The following MTHFD1L variants were observed in gnomAD, a reference collection of about 807,000 sequenced individuals.
MTHFD1L encodes methylenetetrahydrofolate dehydrogenase (NADP+ dependent) 1 like.
Under a neutral mutation model 119.5 loss-of-function variants are expected in MTHFD1L, and 81 were observed. The ratio of observed to expected loss-of-function variants is 0.68; its 90% confidence interval spans 0.57 to 0.82. The LOEUF (loss-of-function observed/expected upper bound fraction) is 0.82, where lower values mean the gene tolerates loss of function less well. Among genes scored for constraint, MTHFD1L ranks in the 40% least tolerant of loss-of-function variants. MTHFD1L has a pLI of 0.00. For synonymous variants in MTHFD1L, 430 were observed against 475.2 expected (o/e 0.90, Z 1.24); for missense variants, 1,125 against 1,253.4 (o/e 0.90, Z 1.55).
chr6:151,011,538 G>A (rs6557108), intron 21 of MTHFD1L, among the ~76,000 whole-genome samples: 36,236 of 152,106 alleles, frequency 0.24, 4,680 homozygotes, highest in Middle Eastern at 0.32. Context: ...CTTGACATCA[G>A]TCCCATAGTT....
intron 20 of MTHFD1L, among the ~76,000 whole-genome samples, chr6:150,988,766 C>A (rs1778662294): frequency 6.6e-6 from 1 of 152,194 alleles, no homozygotes; most frequent in African/African-American, 2.4e-5. Context: ...GCCACCACAC[C>A]CGGCTAATTT....
intron 17 of MTHFD1L, among the ~76,000 whole-genome samples, chr6:150,959,639 G>T (rs1435907653): frequency 6.6e-6 from 1 of 152,184 alleles, no homozygotes; most frequent in Non-Finnish European, 1.5e-5. Flanking sequence ...TGACTGGGTT[G>T]CCCTCCCTGC....
intron 26 of MTHFD1L, among the ~76,000 whole-genome samples, chr6:151,077,291 AG>A: frequency 6.6e-6 from 1 of 152,338 alleles, no homozygotes; most frequent in South Asian, 2.1e-4. Flanking sequence ...AAGCTTTCAG[AG>A]GGGGAAAAAA....
At chr6:150,893,210 G>A (rs908149909) in intron 7 of MTHFD1L, among the ~76,000 whole-genome samples, 13 of 152,008 alleles carry the variant, frequency 8.6e-5, no homozygotes, top group African/African-American at 1.7e-4. Flanking sequence ...GATTACAGGC[G>A]AGCACCACCA....
At chr6:150,993,273 A>G (rs1779300425) in intron 20 of MTHFD1L, among the ~76,000 whole-genome samples, 1 of 152,220 alleles carries the variant, frequency 6.6e-6, no homozygotes, top group South Asian at 2.1e-4. Context: ...TGGCACATAC[A>G]CAAACAAATG....
chr6:150,932,669 G>A (rs762139700), intron 11 of MTHFD1L, among the ~76,000 whole-genome samples: 3 of 152,002 alleles, frequency 2.0e-5, no homozygotes, highest in Non-Finnish European at 4.4e-5. Context: ...TCAGGAGGCC[G>A]AGGCAGGAGA....
At chr6:151,029,825 C>T (rs1312496504) in intron 24 of MTHFD1L, among the ~76,000 whole-genome samples, 1 of 152,162 alleles carries the variant, frequency 6.6e-6, no homozygotes, top group Non-Finnish European at 1.5e-5. Flanking sequence ...ACAACTCAGC[C>T]ATCCACTCGC....
At chr6:151,101,064 C>T (rs916053430) in intron 27 of MTHFD1L, among the ~76,000 whole-genome samples, 10 of 152,068 alleles carry the variant, frequency 6.6e-5, no homozygotes, top group Admixed American at 5.9e-4. Context: ...GAGGCTGTGG[C>T]GGGAGGATTG....
chr6:150,941,504 A>G (rs183874185), intron 13 of MTHFD1L, among the ~76,000 whole-genome samples: 2 of 152,240 alleles, frequency 1.3e-5, no homozygotes, highest in Non-Finnish European at 2.9e-5. Context: ...CGATGAATCC[A>G]GGAGGAAGAC....
chr6:150,968,671 G>A (rs1325139919), intron 19 of MTHFD1L, among the ~76,000 whole-genome samples: 1 of 150,468 alleles, frequency 6.6e-6, no homozygotes, highest in African/African-American at 2.4e-5. Flanking sequence ...CACCACACCC[G>A]GCTAATTTTT....
At chr6:150,931,899 C>T (rs531354869) in intron 11 of MTHFD1L, among the ~76,000 whole-genome samples, 5 of 152,146 alleles carry the variant, frequency 3.3e-5, no homozygotes, top group African/African-American at 7.2e-5. Context: ...TGGTGGCTCA[C>T]GCCTGTAATG....
chr6:150,998,188 A>G (rs138264879), intron 20 of MTHFD1L, among the ~76,000 whole-genome samples: 4,210 of 152,286 alleles, frequency 0.028, 206 homozygotes, highest in Admixed American at 0.14. Context: ...GAAATTCTGT[A>G]AATTTATATA....
Position 150,949,196 on chromosome 6 carries a change from C to T in MTHFD1L, c.1726+63C>T, listed in dbSNP as rs376835709. The T allele has an allele frequency of 6.0e-4, 801 of 1,340,866 alleles. 13 individuals carry two copies. The South Asian group carries it at 6.0e-3, about 10-fold the overall frequency. The allele number at this position is 1,340,866 out of a possible 1,614,324, so 83.1% of individuals were successfully genotyped here. On this transcript the variant is annotated intron_variant, in intron 16 of 27. Coordinates refer to ENST00000367321, the MANE Select transcript of MTHFD1L (RefSeq NM_015440.5). ...GTGGGGAGGCGTGTTCGAGCCGAAG[C>T]GCTTAAATTCAGAAACTTACAGTTT...
At chr6:151,087,739 G>A (rs1793963654) in intron 26 of MTHFD1L, among the ~76,000 whole-genome samples, 2 of 152,122 alleles carry the variant, frequency 1.3e-5, no homozygotes, top group South Asian at 2.1e-4. Context: ...TCTCTGTACA[G>A]ATTTTTAATT....
intron 1 of MTHFD1L, among the ~76,000 whole-genome samples, chr6:150,874,389 C>T (rs1397241974): frequency 6.6e-6 from 1 of 152,174 alleles, no homozygotes; most frequent in African/African-American, 2.4e-5. Context: ...AGCTCTCTCC[C>T]CTAAAGCCCC....
chr6:150,911,957 G>C (rs1744490302), intron 8 of MTHFD1L, among the ~76,000 whole-genome samples: 1 of 152,034 alleles, frequency 6.6e-6, no homozygotes, highest in South Asian at 2.1e-4. Flanking sequence ...GGGAATTATG[G>C]GAGTACAATT....
chr6:151,015,873 G>A (rs771661955), intron 24 of MTHFD1L, among the ~76,000 whole-genome samples, 180 bp downstream of exon 24: 1 of 152,192 alleles, frequency 6.6e-6, no homozygotes, highest in Non-Finnish European at 1.5e-5. Flanking sequence ...GATCACTTGA[G>A]GTCAGGAGTT....
rs1274207448 is a variant in MTHFD1L, at chr6:151,034,541, G to A, written c.2635G>A (p.Ala879Thr). The change falls in exon 25 of 28, where the codon GCC becomes ACC. Residue 879 changes from alanine (A) to threonine (T), a missense_variant. Physicochemically the swap from Ala to Thr is moderately conservative, Grantham distance 58 (BLOSUM62 0). Coordinates refer to ENST00000367321, the MANE Select transcript of MTHFD1L (RefSeq NM_015440.5). ...GACCATTGCTCAGGCTGTCTATGGA[G>A]CCAAAGATATTGAACTCTCTCCTGA... is the stretch of plus-strand genomic sequence containing the variant. ...IRTIAQAVYG[A>T]KDIELSPEAQ... 1 of 1,611,920 alleles carries A rather than the reference G, an allele frequency of 6.2e-7. No homozygotes were observed. The highest frequency in any genetic ancestry group is 1.7e-5 in the Admixed American group (1 of 60,014).
At chr6:151,076,328 A>C (rs1792510175) in intron 26 of MTHFD1L, among the ~76,000 whole-genome samples, 1 of 151,604 alleles carries the variant, frequency 6.6e-6, no homozygotes, top group African/African-American at 2.4e-5. Flanking sequence ...TCCAGCCTGC[A>C]AGACAGAGCA....
Sources: allele counts gnomAD v4.1 joint callset (sites outside exome capture counted in the v4.1 genomes callset), GRCh38; gene constraint gnomAD v4.1.1; transcripts MANE v1.5; gene names NCBI Gene and HGNC (gene_info 2026-07-23, HGNC 2026-07-21).